Variants in TBCD observed in about 807,000 individuals in gnomAD.
The protein encoded by TBCD is tubulin-specific chaperone D.
TBCD carries 105 observed loss-of-function variants against 169.3 expected under a neutral mutation model. That is an observed-to-expected ratio of 0.62 (90% CI 0.53 to 0.73). The LOEUF is 0.73. TBCD is among the 30% of genes least tolerant of loss of function. The probability of loss-of-function intolerance (pLI) is 0.00; values close to 1 mark genes in which losing one functional copy is unlikely to be tolerated. For missense variants in TBCD, 1,444 were observed against 1,600.1 expected (o/e 0.90, Z 1.66); for synonymous variants, 700 against 643.9 (o/e 1.09, Z -1.32).
intron 13 of TBCD, among the ~76,000 whole-genome samples, chr17:82,838,021 ATGT>A (rs1476490786): frequency 1.3e-5 from 2 of 152,180 alleles, no homozygotes; most frequent in Admixed American, 6.5e-5. Context: ...AATATTTTAA[ATGT>A]TGTGTGCTCA....
intron 7 of TBCD, among the ~76,000 whole-genome samples, chr17:82,783,533 A>T (rs1362955028): frequency 6.6e-6 from 1 of 152,222 alleles, no homozygotes; most frequent in Non-Finnish European, 1.5e-5. Context: ...CAGCCCCTGC[A>T]GCCGTGGATC....
chr17:82,906,894 T>C (rs1338552974), intron 20 of TBCD, among the ~76,000 whole-genome samples: 2 of 152,182 alleles, frequency 1.3e-5, no homozygotes, highest in Non-Finnish European at 2.9e-5. Flanking sequence ...TCTGTGGTTG[T>C]GGAAGAAGGC....
chr17:82,830,403 G>C (rs370365856), intron 13 of TBCD: 1 of 1,611,778 alleles, frequency 6.2e-7, no homozygotes, highest in Non-Finnish European at 8.5e-7. Flanking sequence ...GCTGGCACAG[G>C]GCCACGGCTG....
chr17:82,823,788 A>G (rs1413584175), intron 13 of TBCD, among the ~76,000 whole-genome samples: 2 of 152,178 alleles, frequency 1.3e-5, no homozygotes, highest in Admixed American at 6.5e-5. Flanking sequence ...TTGTGGCAAA[A>G]TATGTATAAC....
rs533909307 is a variant in TBCD at position 82,835,457 on chromosome 17, T to C, written c.1318+20523T>C. Among the ~76,000 whole-genome samples, 1 of 152,282 alleles carries C rather than the reference T, an allele frequency of 6.6e-6. No individual in the cohort carries two copies. Among genetic ancestry groups the C allele is most frequent in the East Asian group, 1.9e-4 (1 of 5,174 alleles). ...TCTTTTTTGAGACGGAGTTTTGGTC[T>C]TGTTGCCCAGGCTGGAGGGCAGTGG... On this transcript the variant is annotated intron_variant, in intron 13 of 38. Transcript: ENST00000355528. The surrounding 1 kb of genome is among the most constrained non-coding windows in gnomAD (Gnocchi z 4.5).
intron 13 of TBCD, among the ~76,000 whole-genome samples, chr17:82,836,778 A>C (rs1212504512): frequency 6.6e-6 from 1 of 152,250 alleles, no homozygotes; most frequent in East Asian, 1.9e-4. Flanking sequence ...CAAAAGCTTT[A>C]CAACAGGCAG....
At chr17:82,756,411 G>A (rs1468108915) in intron 2 of TBCD, among the ~76,000 whole-genome samples, 196 bp downstream of exon 2, 1 of 152,196 alleles carries the variant, frequency 6.6e-6, no homozygotes, top group African/African-American at 2.4e-5. Context: ...AGGCTGGGGG[G>A]AGATGTGTCT....
intron 18 of TBCD, among the ~76,000 whole-genome samples, chr17:82,901,743 C>T (rs895218886): frequency 3.9e-5 from 6 of 152,304 alleles, no homozygotes; most frequent in South Asian, 2.1e-4. Context: ...AAAGGAACTC[C>T]TGGGTAGCAC....
In TBCD at chr17:82,864,831, G is replaced by A. The variant is rs559904838; in HGVS notation, c.1319-5393G>A. Reference sequence around the variant, plus strand: ...TCACCACTCCCCGGGGCACCGTGGGGACAGCGGGGGCCTGCTCACTCCCCG... The same window carrying A: ...TCACCACTCCCCGGGGCACCGTGGGAACAGCGGGGGCCTGCTCACTCCCCG... On this transcript the variant is annotated intron_variant, in intron 13 of 38. Coordinates refer to ENST00000355528, the MANE Select transcript of TBCD (RefSeq NM_005993.5). This position sits in a 1 kb window ranked among gnomAD's most constrained non-coding sequence, Gnocchi z 6.3. Among the ~76,000 whole-genome samples the A allele has an allele frequency of 8.7e-6, 1 of 114,558 alleles. No individual in the cohort carries two copies. The highest frequency in any genetic ancestry group is 2.2e-4 in the East Asian group (1 of 4,612). 75.2% of individuals were successfully genotyped at this position (114,558 alleles called of 152,430 possible).
intron 7 of TBCD, among the ~76,000 whole-genome samples, chr17:82,785,596 CTG>C (rs2049253954): frequency 4.6e-5 from 1 of 21,578 alleles, no homozygotes; most frequent in Non-Finnish European, 8.5e-5. Flanking sequence ...GGGGTCCATG[CTG>C]TGTGACTGGG....
At chr17:82,926,556 G>C in intron 28 of TBCD, 65 bp downstream of exon 28, 1 of 1,412,094 alleles carries the variant, frequency 7.1e-7, no homozygotes, top group Admixed American at 1.8e-5. Flanking sequence ...GAACGCTAAG[G>C]GGGATGTTTT....
In TBCD at chr17:82,939,391, G is replaced by A. The variant is rs1555672174; in HGVS notation, c.3394G>A (p.Val1132Met). 2 of 1,613,084 alleles carry A rather than the reference G, an allele frequency of 1.2e-6. No individual in the cohort carries two copies. Among genetic ancestry groups the A allele is most frequent in the South Asian group, 2.2e-5 (2 of 90,898 alleles). ...PLIRKTTASQ[V>M]YETLLTYSDV... ...GATCCGGAAGACCACGGCCAGCCAGGTGTACGAGACATTGCTCACCTACAG... is the reference window on the plus strand; with the variant it reads ...GATCCGGAAGACCACGGCCAGCCAGATGTACGAGACATTGCTCACCTACAG... Residue 1132 changes from valine to methionine, a missense_variant, in exon 37 of 39, where the codon GTG becomes ATG. By Grantham distance (21) the Val-to-Met change is conservative (BLOSUM62 1). Coordinates refer to ENST00000355528, the MANE Select transcript of TBCD (RefSeq NM_005993.5).
In TBCD at chr17:82,832,574, A is replaced by G. The variant is rs1348562827; in HGVS notation, c.1318+17640A>G. ...TTTGCTTTCTTTCCCGATCACTTCT[A>G]TCAGAAGCCAGCTCTGCGTGCTGAG... is the stretch of plus-strand genomic sequence containing the variant. On this transcript the variant is annotated intron_variant, in intron 13 of 38. Coordinates refer to ENST00000355528, the MANE Select transcript of TBCD (RefSeq NM_005993.5). The surrounding 1 kb of genome is among the most constrained non-coding windows in gnomAD (Gnocchi z 4.9). 1.3e-5 allele frequency: 11 copies of G among 863,478 alleles called. No homozygotes were observed. Among genetic ancestry groups the G allele is most frequent in the South Asian group, 5.7e-5 (4 of 70,462 alleles). The allele number at this position is 863,478 out of a possible 1,614,324, so 53.5% of individuals were successfully genotyped here.
At chr17:82,824,132 ATATT>A (rs1362326149) in intron 13 of TBCD, among the ~76,000 whole-genome samples, 1 of 151,980 alleles carries the variant, frequency 6.6e-6, no homozygotes, top group Non-Finnish European at 1.5e-5. Context: ...AGGCTGAATA[ATATT>A]TCATTGTATG....
In TBCD at chr17:82,915,877, C is replaced by T. The variant is rs1390863118; in HGVS notation, c.2038+4088C>T. Among the ~76,000 whole-genome samples the T allele has an allele frequency of 6.6e-6, 1 of 152,068 alleles. No individual in the cohort carries two copies. Among genetic ancestry groups the T allele is most frequent in the East Asian group, 1.9e-4 (1 of 5,182 alleles). ...CCGGGGACACGCTGTTAATGGACTTCCTGCTGTGGGGGTGAGGGCTCCGTG... is the reference window on the plus strand; with the variant it reads ...CCGGGGACACGCTGTTAATGGACTTTCTGCTGTGGGGGTGAGGGCTCCGTG... On this transcript the variant is annotated intron_variant, in intron 23 of 38. Transcript: ENST00000355528. This position sits in a 1 kb window ranked among gnomAD's most constrained non-coding sequence, Gnocchi z 4.3.
intron 12 of TBCD, among the ~76,000 whole-genome samples, chr17:82,812,126 C>A (rs2051486425): frequency 6.6e-6 from 1 of 152,106 alleles, no homozygotes; most frequent in Admixed American, 6.5e-5. Flanking sequence ...AGACCCCAGG[C>A]TGTGGCAGAA....
intron 13 of TBCD, among the ~76,000 whole-genome samples, chr17:82,816,712 A>G (rs1219679089): frequency 6.7e-6 from 1 of 148,828 alleles, no homozygotes; most frequent in Non-Finnish European, 1.5e-5. Flanking sequence ...TTTTTTTTTT[A>G]GTTTTGTTAG....
Position 82,906,247 on chromosome 17 carries a change from T to C in TBCD, c.1922+194T>C, listed in dbSNP as rs8068572. ...GCCCTCTCTCCTGACGGTCATGCCG[T>C]GGGTGGACCACCCACCTCTTCAGCG... On this transcript the variant is annotated intron_variant, in intron 20 of 38. Coordinates refer to ENST00000355528, the MANE Select transcript of TBCD (RefSeq NM_005993.5). Among the ~76,000 whole-genome samples, 151,284 of 152,294 alleles carry C rather than the reference T, an allele frequency of 0.99. 75,151 individuals are homozygous for C. The highest frequency in any genetic ancestry group is 1 in the East Asian group (5,144 of 5,144).
Position 82,804,305 on chromosome 17 carries a change from G to A in TBCD, c.951-1570G>A, listed in dbSNP as rs577122631. Among the ~76,000 whole-genome samples the A allele has an allele frequency of 3.9e-5, 6 of 152,296 alleles. No individual in the cohort carries two copies. The South Asian group carries it at 1.2e-3, about 32-fold the overall frequency. On this transcript the variant is annotated intron_variant, in intron 9 of 38. Transcript: ENST00000355528. ...ACATTACAGTGTACCCCGAAATTTAGCAGCTTAAACAGTGCACTTTTTCCT... is the reference window on the plus strand; with the variant it reads ...ACATTACAGTGTACCCCGAAATTTAACAGCTTAAACAGTGCACTTTTTCCT...
Sources: gnomAD v4.1 joint callset for allele counts (sites outside exome capture counted in the v4.1 genomes callset) on GRCh38, gnomAD v4.1.1 for gene constraint, Gnocchi (gnomAD v3.1) non-coding constraint, MANE v1.5 for transcripts, NCBI Gene and HGNC (gene_info 2026-07-23, HGNC 2026-07-21) for gene names.